The following RAB27A variants were observed in gnomAD, a reference collection of about 807,000 sequenced individuals.
The protein encoded by RAB27A is RAB27A, member RAS oncogene family, also known as ras-related protein Rab-27A.
In RAB27A, 17 loss-of-function variants were observed where a neutral mutation model predicts 20.8. The observed-to-expected ratio is 0.82, with a 90% CI of 0.56 to 1.23. RAB27A has a LOEUF of 1.23. Among genes scored for constraint, RAB27A ranks in the 50% most tolerant of loss-of-function variants. RAB27A has a pLI of 0.00. For synonymous variants in RAB27A, 85 were observed against 92.8 expected, an observed-to-expected ratio of 0.92 and a Z score of 0.48; for missense variants, 277 against 266.7, an observed-to-expected ratio of 1.04 and a Z score of -0.27.
intron 6 of RAB27A, among the ~76,000 whole-genome samples, chr15:55,222,448 C>T (rs935401948): frequency 2.0e-5 from 3 of 152,146 alleles, no homozygotes; most frequent in African/African-American, 7.2e-5. Context: ...CTAGTCTTTC[C>T]TCCCTCCCCA....
At chr15:55,244,112 C>T (rs568475392) in intron 2 of RAB27A, among the ~76,000 whole-genome samples, 3 of 152,120 alleles carry the variant, frequency 2.0e-5, no homozygotes, top group Admixed American at 2.0e-4. Context: ...ACCAGCCTGG[C>T]TGATATGGTG....
chr15:55,209,890 ATAT>A lies in RAB27A; in HGVS notation c.468-4188_468-4186del, dbSNP rs1894874849. On this transcript the variant is annotated intron_variant, in intron 6 of 6. Transcript: ENST00000336787. ...TATATACATATATGTGTGTGTATAC[ATAT>A]ATACACATATGTGTGTGTATGTATA... 1.7e-4 allele frequency among the ~76,000 whole-genome samples: 14 copies of A among 81,924 alleles called. 1 individual carries two copies. Among genetic ancestry groups the A allele is most frequent in the South Asian group, 1.0e-3 (3 of 2,936 alleles). 53.7% of individuals were successfully genotyped at this position (81,924 alleles called of 152,430 possible).
At chr15:55,216,458 G>A (rs1895309176) in intron 6 of RAB27A, among the ~76,000 whole-genome samples, 1 of 152,072 alleles carries the variant, frequency 6.6e-6, no homozygotes, top group Non-Finnish European at 1.5e-5. Flanking sequence ...CTTGAACACA[G>A]GAGGCAGAGG....
chr15:55,206,269 T>C, intron 6 of RAB27A: 1 of 725,390 alleles, frequency 1.4e-6, no homozygotes, highest in Non-Finnish European at 1.7e-6. Flanking sequence ...TACATACTGA[T>C]TTACTGTAAA....
In RAB27A at chr15:55,266,307, A is replaced by G. The variant is rs376816918; in HGVS notation, c.-23+3858T>C. 1.5e-4 allele frequency among the ~76,000 whole-genome samples: 23 copies of G among 152,344 alleles called. No individual in the cohort carries two copies. In the East Asian group the frequency reaches 2.7e-3, roughly 18 times the overall value. ...GCTGATACCCTGATCTCAGACTTTC[A>G]GCCTCTAGAACAATGAGGAATAAAT... is the stretch of plus-strand genomic sequence containing the variant. On this transcript the variant is annotated intron_variant, in intron 2 of 6. Coordinates refer to ENST00000336787, the MANE Select transcript of RAB27A (RefSeq NM_183235.3).
At chr15:55,218,821 C>A (rs868816186) in intron 6 of RAB27A, among the ~76,000 whole-genome samples, 10 of 151,280 alleles carry the variant, frequency 6.6e-5, no homozygotes, top group African/African-American at 2.2e-4. Flanking sequence ...TGGCTCACTG[C>A]AACCTCTGCC....
upstream of RAB27A, among the ~76,000 whole-genome samples, chr15:55,290,947 C>A (rs1366933566): frequency 6.6e-6 from 1 of 152,234 alleles, no homozygotes; most frequent in African/African-American, 2.4e-5. Flanking sequence ...CAGGCCCACC[C>A]GGTCAACTCC....
intron 6 of RAB27A, among the ~76,000 whole-genome samples, chr15:55,208,445 C>T (rs983743677): frequency 2.6e-5 from 4 of 152,160 alleles, no homozygotes; most frequent in Admixed American, 1.3e-4. Context: ...AGTGTTAATT[C>T]GGTTGCCAAA....
intron 2 of RAB27A, among the ~76,000 whole-genome samples, chr15:55,309,938 G>A (rs1327297060): frequency 1.1e-4 from 16 of 151,978 alleles, no homozygotes; most frequent in Non-Finnish European, 4.4e-5. Flanking sequence ...CCTTTGGTAG[G>A]GAAAGGAGGC....
At chr15:55,271,012 T>A (rs1306096333) in intron 1 of RAB27A, 1 of 152,206 alleles carries the variant, frequency 6.6e-6, no homozygotes, top group Non-Finnish European at 1.5e-5. Context: ...GTCCTAAGGA[T>A]ATTCATCTTC....
intron 6 of RAB27A, among the ~76,000 whole-genome samples, chr15:55,207,792 C>CCCAA (rs1385762409): frequency 6.6e-6 from 1 of 152,092 alleles, no homozygotes; most frequent in Non-Finnish European, 1.5e-5. Context: ...AAGCGATTCT[C>CCCAA]GTCCCTCAGC....
chr15:55,249,263 A>G (rs1249568071), intron 2 of RAB27A, among the ~76,000 whole-genome samples: 2 of 152,098 alleles, frequency 1.3e-5, no homozygotes. Context: ...AATTTGGTGG[A>G]ATTTAAGAGG....
At chr15:55,233,622 A>G (rs1896134808) in intron 3 of RAB27A, among the ~76,000 whole-genome samples, 1 of 152,186 alleles carries the variant, frequency 6.6e-6, no homozygotes, top group South Asian at 2.1e-4. Context: ...TGCAGAAGCC[A>G]TTGATAGAAA....
At chr15:55,284,544 AAC>A (rs1193092171) in intron 1 of RAB27A, among the ~76,000 whole-genome samples, 1 of 152,232 alleles carries the variant, frequency 6.6e-6, no homozygotes, top group Non-Finnish European at 1.5e-5. Flanking sequence ...TGGGGCTTTC[AAC>A]AGTTATGCGG....
chr15:55,258,021 C>T (rs1194560826), intron 2 of RAB27A, among the ~76,000 whole-genome samples: 4 of 148,022 alleles, frequency 2.7e-5, no homozygotes, highest in African/African-American at 1.0e-4. Context: ...GAGCTGAGAT[C>T]GCACCACTGC....
intron 2 of RAB27A, among the ~76,000 whole-genome samples, chr15:55,252,673 C>T (rs1230770808): frequency 7.0e-6 from 1 of 142,938 alleles, no homozygotes. Context: ...GATTGATAGA[C>T]AGACAGACAG....
chr15:55,277,153 C>A (rs186803213), intron 1 of RAB27A, among the ~76,000 whole-genome samples: 10 of 152,208 alleles, frequency 6.6e-5, no homozygotes, highest in African/African-American at 1.4e-4. Context: ...TTCTCTACTT[C>A]TGTAATAAAG....
intron 2 of RAB27A, among the ~76,000 whole-genome samples, chr15:55,305,476 C>A (rs1213350236): frequency 6.6e-6 from 1 of 152,096 alleles, no homozygotes; most frequent in African/African-American, 2.4e-5. Flanking sequence ...ACAAACTTAA[C>A]AAGGAGGTTA....
chr15:55,298,273 C>T (rs115208082), intron 2 of RAB27A, among the ~76,000 whole-genome samples: 2,598 of 150,922 alleles, frequency 0.017, 76 homozygotes, highest in African/African-American at 0.06. Context: ...CACATAGGTT[C>T]TTTTCTACTT....
Sources: allele counts gnomAD v4.1 joint callset (sites outside exome capture counted in the v4.1 genomes callset), GRCh38; gene constraint gnomAD v4.1.1; transcripts MANE v1.5; gene names NCBI Gene and HGNC (gene_info 2026-07-23, HGNC 2026-07-21).